PALM2AKAP2: variants seen among roughly 807,000 people sequenced by gnomAD.
The protein encoded by PALM2AKAP2 is PALM2-AKAP2 fusion protein.
Under a neutral mutation model 71.5 loss-of-function variants are expected in PALM2AKAP2, and 37 were observed. The observed-to-expected ratio is 0.52, with a 90% confidence interval of 0.40 to 0.68. The LOEUF is 0.68. PALM2AKAP2 is among the 30% of genes least tolerant of loss of function. The probability of loss-of-function intolerance (pLI) is 0.00; values close to 1 mark genes in which losing one functional copy is unlikely to be tolerated. For missense variants in PALM2AKAP2, 1,224 were observed against 1,191.8 expected (o/e 1.03, Z -0.40); for synonymous variants, 468 against 478.8 (o/e 0.98, Z 0.29).
intron 6 of PALM2AKAP2, among the ~76,000 whole-genome samples, chr9:110,014,068 G>A (rs1322300484): frequency 6.6e-6 from 1 of 152,148 alleles, no homozygotes; most frequent in Non-Finnish European, 1.5e-5. Flanking sequence ...GAAATGCTAT[G>A]AACTCAAAGC....
intron 1 of PALM2AKAP2, among the ~76,000 whole-genome samples, chr9:109,757,150 A>G (rs974117326): frequency 6.6e-6 from 1 of 152,082 alleles, no homozygotes; most frequent in Non-Finnish European, 1.5e-5. Context: ...TCTAGTAACC[A>G]TCATTCTAAT....
intron 1 of PALM2AKAP2, among the ~76,000 whole-genome samples, chr9:110,114,900 A>T (rs986139632): frequency 7.9e-5 from 12 of 152,164 alleles, no homozygotes; most frequent in African/African-American, 2.9e-4. Context: ...GATTCTTCAT[A>T]AATGAGAGAA....
At chr9:109,815,555 G>A (rs2131462876) in intron 1 of PALM2AKAP2, among the ~76,000 whole-genome samples, 1 of 152,254 alleles carries the variant, frequency 6.6e-6, no homozygotes, top group Non-Finnish European at 1.5e-5. Flanking sequence ...GGTAGGTGAA[G>A]ATGAAAGAAC....
chr9:110,009,831 C>T (rs1832849010), intron 6 of PALM2AKAP2, among the ~76,000 whole-genome samples: 1 of 152,138 alleles, frequency 6.6e-6, no homozygotes, highest in East Asian at 1.9e-4. Context: ...CATGTGTGTC[C>T]CTGGCTTCTC....
chr9:109,728,073 A>G (rs946665766), intron 1 of PALM2AKAP2, among the ~76,000 whole-genome samples: 1 of 152,226 alleles, frequency 6.6e-6, no homozygotes, highest in African/African-American at 2.4e-5. Flanking sequence ...TTACCAGATT[A>G]AAATGTTAAG....
intron 7 of PALM2AKAP2, among the ~76,000 whole-genome samples, chr9:110,024,497 T>A (rs925104541): frequency 1.3e-5 from 2 of 152,164 alleles, no homozygotes; most frequent in Non-Finnish European, 2.9e-5. Flanking sequence ...TTAATTGATA[T>A]GCCAGGCTGG....
chr9:109,691,792 A>G (rs1049764491), intron 1 of PALM2AKAP2, among the ~76,000 whole-genome samples: 82 of 141,818 alleles, frequency 5.8e-4, no homozygotes, highest in African/African-American at 2.1e-3. Flanking sequence ...TTTCTAGGGG[A>G]GAATTAACAT....
intron 6 of PALM2AKAP2, among the ~76,000 whole-genome samples, chr9:109,948,594 A>G (rs559676953): frequency 6.6e-6 from 1 of 152,284 alleles, no homozygotes; most frequent in East Asian, 1.9e-4. Context: ...AAGTTTTTAC[A>G]GGTTGAGGTA....
rs112510783 is a variant in PALM2AKAP2, at chr9:110,062,840, C to T, written c.156+13985C>T. 1.6e-3 allele frequency among the ~76,000 whole-genome samples: 241 copies of T among 152,318 alleles called. 4 individuals carry two copies. In the South Asian group the frequency reaches 0.045, roughly 28 times the overall value. Reference sequence around the variant, plus strand: ...AAAAGTCAAGCTGAGAACTGGGTCACGCAAACCTGCCTCCCCTCTTTGGTT... The same window carrying T: ...AAAAGTCAAGCTGAGAACTGGGTCATGCAAACCTGCCTCCCCTCTTTGGTT... On this transcript the variant is annotated intron_variant, in intron 1 of 3. Coordinates refer to ENST00000374525, the Ensembl canonical transcript of PALM2AKAP2.
chr9:109,753,695 T>C (rs1828918359), intron 1 of PALM2AKAP2, among the ~76,000 whole-genome samples: 1 of 152,192 alleles, frequency 6.6e-6, no homozygotes. Context: ...TCAGAGTCAC[T>C]TAAAGTTAAC....
chr9:110,027,150 T>G (rs1368933222), intron 7 of PALM2AKAP2, among the ~76,000 whole-genome samples: 1 of 152,118 alleles, frequency 6.6e-6, no homozygotes, highest in Admixed American at 6.6e-5. Context: ...TTACAAAAGT[T>G]CCTTTCTTCT....
chr9:109,982,011 A>G (rs923061590), intron 6 of PALM2AKAP2, among the ~76,000 whole-genome samples: 7 of 152,252 alleles, frequency 4.6e-5, no homozygotes, highest in Non-Finnish European at 1.5e-5. Flanking sequence ...TGTTTGTTGC[A>G]GCATTATTCA....
At chr9:110,091,652 T>A (rs540544157) in intron 1 of PALM2AKAP2, among the ~76,000 whole-genome samples, 1 of 151,874 alleles carries the variant, frequency 6.6e-6, no homozygotes, top group East Asian at 1.9e-4. Context: ...TTAGTAGAGA[T>A]GGGGTTTCAC....
chr9:109,914,325 T>C (rs1466965429), intron 3 of PALM2AKAP2, among the ~76,000 whole-genome samples: 1 of 152,234 alleles, frequency 6.6e-6, no homozygotes. Context: ...AGCTGACATA[T>C]AGCACTTTCA....
intron 1 of PALM2AKAP2, among the ~76,000 whole-genome samples, chr9:110,115,118 A>T (rs1263158341): frequency 1.3e-5 from 2 of 152,104 alleles, no homozygotes; most frequent in East Asian, 3.9e-4. Flanking sequence ...AGTGGACGGA[A>T]ACAGCTGACC....
intron 1 of PALM2AKAP2, among the ~76,000 whole-genome samples, chr9:109,653,627 A>G (rs1226964116): frequency 6.6e-6 from 1 of 152,178 alleles, no homozygotes; most frequent in East Asian, 1.9e-4. Context: ...CATGTTGAAA[A>G]GCAGATCCTG....
At chr9:109,979,705 T>C (rs929414194) in intron 6 of PALM2AKAP2, among the ~76,000 whole-genome samples, 1 of 152,168 alleles carries the variant, frequency 6.6e-6, no homozygotes, top group Non-Finnish European at 1.5e-5. Context: ...ATCTCAACCA[T>C]TCCCTTAAAA....
intron 1 of PALM2AKAP2, among the ~76,000 whole-genome samples, chr9:109,782,761 TGTGTG>T: frequency 6.6e-6 from 1 of 151,738 alleles, no homozygotes; most frequent in Admixed American, 6.6e-5. Flanking sequence ...TGTGTGTGTG[TGTGTG>T]TGTGTGTGTG....
At chr9:109,702,954 G>A (rs1211442124) in intron 1 of PALM2AKAP2, among the ~76,000 whole-genome samples, 1 of 152,012 alleles carries the variant, frequency 6.6e-6, no homozygotes, top group East Asian at 1.9e-4. Flanking sequence ...ATGTAGCTGG[G>A]AGTACAGGCA....
Sources: allele counts gnomAD v4.1 joint callset (sites outside exome capture counted in the v4.1 genomes callset), GRCh38; gene constraint gnomAD v4.1.1; transcripts MANE v1.5; gene names NCBI Gene and HGNC (gene_info 2026-07-23, HGNC 2026-07-21).